PRPH2: variants seen among roughly 807,000 people sequenced by gnomAD.
PRPH2 encodes the protein peripherin-2.
Under a neutral mutation model 31.3 loss-of-function variants are expected in PRPH2, and 17 were observed. The ratio of observed to expected loss-of-function variants is 0.54; its 90% CI spans 0.37 to 0.81. The LOEUF (loss-of-function observed/expected upper bound fraction) is 0.81. Ranked by LOEUF, PRPH2 falls within the 40% of genes least tolerant of loss-of-function variation. PRPH2 has a pLI of 0.00. For synonymous variants in PRPH2, 165 were observed against 184.4 expected, an observed-to-expected ratio of 0.89 and a Z score of 0.85; for missense variants, 430 against 439.7, an observed-to-expected ratio of 0.98 and a Z score of 0.20.
intron 1 of PRPH2, among the ~76,000 whole-genome samples, chr6:42,710,440 C>T (rs888922746): frequency 6.6e-6 from 1 of 152,188 alleles, no homozygotes; most frequent in Non-Finnish European, 1.5e-5. Context: ...GGGTCTCTCA[C>T]TTCTGGAGCT....
rs762660751 is a variant in PRPH2, at chr6:42,698,413, A to T, written c.923T>A (p.Leu308Gln). The change falls in exon 3 of 3, where the codon CTG becomes CAG. Residue 308 changes from leucine to glutamine, a missense_variant. Leu to Gln is a moderately radical substitution (Grantham distance 113). Transcript: ENST00000230381. ...CCAGGTCTCCGGCACGCTCCTCTCCAGCAGCCAGCCCTGGCTCTCGCTCTC... is the reference window on the plus strand; with the variant it reads ...CCAGGTCTCCGGCACGCTCCTCTCCTGCAGCCAGCCCTGGCTCTCGCTCTC... ...ESESESQGWLLERSVPETWKA... is the reference protein window; with the variant it reads ...ESESESQGWLQERSVPETWKA... 1.6e-5 allele frequency: 26 copies of T among 1,613,756 alleles called. No homozygotes were observed. Among genetic ancestry groups the T allele is most frequent in the Admixed American group, 6.7e-5 (4 of 59,990 alleles).
chr6:42,708,566 G>T (rs2152006517), intron 1 of PRPH2, among the ~76,000 whole-genome samples: 2 of 152,264 alleles, frequency 1.3e-5, no homozygotes, highest in East Asian at 3.9e-4. Context: ...CTCTGCAGTG[G>T]TCTCTCCCTT....
At position 42,696,792 on chromosome 6, in the gene PRPH2, G is replaced by C. The variant is rs1367004930; in HGVS notation, c.*1503C>G. On this transcript the variant is annotated 3_prime_UTR_variant, in exon 3 of 3. Coordinates refer to ENST00000230381, the MANE Select transcript of PRPH2 (RefSeq NM_000322.5). ...CATTCCTTGGCCTCAACGAGATTCA[G>C]AAATCTAATTAAACTTGGGACCAAC... 1 of 151,882 alleles carries C rather than the reference G, an allele frequency of 6.6e-6. No individual in the cohort carries two copies. The highest frequency in any genetic ancestry group is 2.4e-5 in the African/African-American group (1 of 41,320). The allele number at this position is 151,882 out of a possible 1,614,324, so 9.4% of individuals were successfully genotyped here. A position where few individuals can be genotyped will look rare whatever the true frequency, so the allele number is the denominator to read the frequency against.
Position 42,721,756 on chromosome 6 carries a change from T to G in PRPH2, c.579A>C (p.Lys193Asn), listed in dbSNP as rs1761904834. Residue 193 changes from lysine to asparagine, a missense_variant and splice_region_variant, in exon 1 of 3, where the codon AAA (lysine) becomes AAC (asparagine). Coordinates refer to ENST00000230381, the MANE Select transcript of PRPH2 (RefSeq NM_000322.5). ...CCCCAGGACTGGAAGCCACTCACTCTTTGACTTCTTTGGAGGAAAAGTCCA... is the reference window on the plus strand; with the variant it reads ...CCCCAGGACTGGAAGCCACTCACTCGTTGACTTCTTTGGAGGAAAAGTCCA... ...RYLDFSSKEV[K>N]DRIKSNVDGR... 2 of 1,614,076 alleles carry G rather than the reference T, an allele frequency of 1.2e-6. No homozygotes were observed. The highest frequency in any genetic ancestry group is 1.7e-6 in the Non-Finnish European group (2 of 1,180,034).
At chr6:42,709,179 A>G (rs895823226) in intron 1 of PRPH2, among the ~76,000 whole-genome samples, 3 of 150,960 alleles carry the variant, frequency 2.0e-5, no homozygotes, top group South Asian at 2.1e-4. Context: ...AAATACAAAA[A>G]ATTAGCCGGG....
chr6:42,707,760 G>A (rs1242302570), intron 1 of PRPH2, among the ~76,000 whole-genome samples: 1 of 152,092 alleles, frequency 6.6e-6, no homozygotes, highest in African/African-American at 2.4e-5. Context: ...AGGTGGCCTG[G>A]GTCATGGCAA....
Position 42,696,837 on chromosome 6 carries a change from C to A in PRPH2, c.*1458G>T, listed in dbSNP as rs1799951727. On this transcript the variant is annotated 3_prime_UTR_variant, in exon 3 of 3. Coordinates refer to ENST00000230381, the MANE Select transcript of PRPH2 (RefSeq NM_000322.5). The stretch of plus-strand genomic sequence containing the variant: ...ACCAACGTCTGACAGGGTGTCCAAA[C>A]ATCTTGGATCTGGTCTTCTGCTTGG... 3 of 151,872 alleles carry A rather than the reference C, an allele frequency of 2.0e-5. No homozygotes were observed. The South Asian group carries it at 6.2e-4, about 32-fold the overall frequency. 9.4% of individuals were successfully genotyped at this position (151,872 alleles called of 1,614,324 possible).
intron 1 of PRPH2, among the ~76,000 whole-genome samples, chr6:42,706,448 C>CA (rs1582767039): frequency 6.8e-6 from 1 of 148,044 alleles, no homozygotes. Context: ...AATAAAAATA[C>CA]AAAAAAATTA....
At chr6:42,711,487 G>A (rs1259588809) in intron 1 of PRPH2, among the ~76,000 whole-genome samples, 2 of 152,152 alleles carry the variant, frequency 1.3e-5, no homozygotes, top group African/African-American at 4.8e-5. Context: ...CAGTCTGAGG[G>A]GAGATGCAGC....
At chr6:42,709,254 A>T (rs563354830) in intron 1 of PRPH2, among the ~76,000 whole-genome samples, 28 of 149,950 alleles carry the variant, frequency 1.9e-4, no homozygotes, top group Non-Finnish European at 3.4e-4. Context: ...CACTTGAACC[A>T]GGGAGGTGGA....
chr6:42,703,218 C>T (rs930459650), intron 2 of PRPH2, among the ~76,000 whole-genome samples: 3 of 152,146 alleles, frequency 2.0e-5, no homozygotes, highest in African/African-American at 7.2e-5. Flanking sequence ...TAATAATAAA[C>T]AATTTAAAAT....
intron 1 of PRPH2, among the ~76,000 whole-genome samples, chr6:42,710,554 G>A (rs1455382307): frequency 3.3e-5 from 5 of 152,196 alleles, no homozygotes; most frequent in African/African-American, 1.2e-4. Context: ...GCCAGGCAGA[G>A]GAGAGCGCCT....
intron 1 of PRPH2, among the ~76,000 whole-genome samples, chr6:42,709,203 G>A (rs1356288823): frequency 8.5e-5 from 13 of 152,090 alleles, no homozygotes; most frequent in African/African-American, 2.2e-4. Flanking sequence ...GGTGGCGGGC[G>A]CCTGTAATCC....
At chr6:42,716,914 C>A (rs1377013517) in intron 1 of PRPH2, among the ~76,000 whole-genome samples, 12 of 137,074 alleles carry the variant, frequency 8.8e-5, no homozygotes, top group African/African-American at 2.5e-4. Flanking sequence ...GCCACCTCAC[C>A]GGGCCTTTTT....
At chr6:42,721,281 G>A (rs1761897859) in intron 1 of PRPH2, among the ~76,000 whole-genome samples, 1 of 152,184 alleles carries the variant, frequency 6.6e-6, no homozygotes, top group South Asian at 2.1e-4. Context: ...TCTTGGGAAT[G>A]GATGCTCAGG....
intron 1 of PRPH2, 25 bp from the exon 2 acceptor site, chr6:42,704,636 G>A: frequency 6.2e-7 from 1 of 1,614,186 alleles, no homozygotes; most frequent in Non-Finnish European, 8.5e-7. Context: ...GACAGCTGGA[G>A]ATGGGCTTCC....
rs143293289 is a variant in PRPH2 at position 42,721,665 on chromosome 6, G to A, written c.581+89C>T. The A allele has an allele frequency of 1.0e-4, 149 of 1,470,494 alleles. 1 individual carries two copies. In the African/African-American group the frequency reaches 1.5e-3, roughly 15 times the overall value. The allele number at this position is 1,470,494 out of a possible 1,614,324, so 91.1% of individuals were successfully genotyped here. ...CACCCGATGGAGAGGAAAAGGCACT[G>A]GGTGCGGGGAGAGGGGCTGGTCAGA... On this transcript the variant is annotated intron_variant, in intron 1 of 2. Transcript: ENST00000230381.
At chr6:42,708,465 T>C (rs1475765427) in intron 1 of PRPH2, among the ~76,000 whole-genome samples, 3 of 152,198 alleles carry the variant, frequency 2.0e-5, no homozygotes, top group African/African-American at 2.4e-5. Context: ...GCTGGAGCAG[T>C]GTGAGGGGGG....
chr6:42,719,325 C>T (rs1761852915), intron 1 of PRPH2, among the ~76,000 whole-genome samples: 1 of 151,832 alleles, frequency 6.6e-6, no homozygotes, highest in Non-Finnish European at 1.5e-5. Flanking sequence ...TACAGGCATG[C>T]CACCACACCC....
Sources: allele counts gnomAD v4.1 joint callset (sites outside exome capture counted in the v4.1 genomes callset), GRCh38; gene constraint gnomAD v4.1.1; transcripts MANE v1.5; gene names NCBI Gene and HGNC (gene_info 2026-07-23, HGNC 2026-07-21).